Variants in GSE1 observed in about 807,000 individuals in gnomAD.
GSE1 encodes Gse1 coiled-coil protein.
GSE1 carries 32 observed loss-of-function variants against 112.6 expected under a neutral mutation model. The observed-to-expected ratio is 0.28, with a 90% CI of 0.21 to 0.38. GSE1 has a LOEUF of 0.38. GSE1 is among the 10% of genes least tolerant of loss of function. The probability of loss-of-function intolerance (pLI) is 1.00; values close to 1 mark genes in which losing one functional copy is unlikely to be tolerated. For synonymous variants in GSE1, 1,115 were observed against 735.6 expected, an observed-to-expected ratio of 1.52 and a Z score of -8.35; for missense variants, 2,348 against 1,699.2, an observed-to-expected ratio of 1.38 and a Z score of -6.71.
intron 1 of GSE1, among the ~76,000 whole-genome samples, chr16:85,312,217 G>GA (rs1567681015): frequency 4.0e-5 from 6 of 148,892 alleles, no homozygotes; most frequent in South Asian, 2.1e-4. Context: ...GGGGGGGGGG[G>GA]ACACACTTAC....
At position 85,636,581 on chromosome 16, in the gene GSE1, G is replaced by T. The variant is rs970467820; in HGVS notation, c.226+2449G>T. 3.3e-5 allele frequency among the ~76,000 whole-genome samples: 5 copies of T among 152,292 alleles called. No individual in the cohort carries two copies. In the East Asian group the frequency reaches 7.7e-4, roughly 24 times the overall value. Reference sequence around the variant, plus strand: ...CATGGAACTGGCCGGCAGCCCTCCCGGGACCCTCGGGCAGCTGAGAAGGCC... The same window carrying T: ...CATGGAACTGGCCGGCAGCCCTCCCTGGACCCTCGGGCAGCTGAGAAGGCC... On this transcript the variant is annotated intron_variant, in intron 2 of 15. Transcript: ENST00000253458.
intron 1 of GSE1, among the ~76,000 whole-genome samples, chr16:85,326,731 A>T (rs144664990): frequency 6.6e-6 from 1 of 152,288 alleles, no homozygotes; most frequent in Non-Finnish European, 1.5e-5. Context: ...ACAGACTAAT[A>T]TGGCCTGGTG....
intron 1 of GSE1, chr16:85,593,432 C>T (rs2047080932): frequency 6.6e-6 from 1 of 152,474 alleles, no homozygotes; most frequent in African/African-American, 2.4e-5. Flanking sequence ...ATTTCCCTCT[C>T]CCAGGGGCCT....
intron 1 of GSE1, among the ~76,000 whole-genome samples, chr16:85,307,549 C>T (rs1461082175): frequency 2.0e-5 from 3 of 152,236 alleles, no homozygotes; most frequent in African/African-American, 7.2e-5. Context: ...GAGCTTCGAG[C>T]TGTCCCTCTC....
chr16:85,326,829 G>C (rs147460011), intron 1 of GSE1, among the ~76,000 whole-genome samples: 1 of 152,324 alleles, frequency 6.6e-6, no homozygotes, highest in African/African-American at 2.4e-5. Context: ...GACGCTGTGG[G>C]GTCCCGATCA....
chr16:85,417,918 C>T (rs2151730760), intron 2 of GSE1, among the ~76,000 whole-genome samples: 1 of 152,362 alleles, frequency 6.6e-6, no homozygotes, highest in South Asian at 2.1e-4. Flanking sequence ...CGGCTCACTG[C>T]AACCTCCGCC....
At chr16:85,606,540 C>G (rs2047710908), upstream of GSE1, among the ~76,000 whole-genome samples, 2 of 152,316 alleles carry the variant, frequency 1.3e-5, no homozygotes, top group Admixed American at 6.5e-5. Context: ...AGGAAGGGGC[C>G]ACTTTGCCAC....
chr16:85,664,834 A>G, intron 11 of GSE1, 181 bp from the exon 12 acceptor site: 1 of 592,750 alleles, frequency 1.7e-6, no homozygotes, highest in South Asian at 2.0e-5. Context: ...TGCCGAGAGC[A>G]ATCTGGGCTC....
At chr16:85,616,502 T>TG (rs763149814) in intron 1 of GSE1, among the ~76,000 whole-genome samples, 1 of 152,196 alleles carries the variant, frequency 6.6e-6, no homozygotes, top group East Asian at 1.9e-4. Flanking sequence ...CAGGGTTGGA[T>TG]GGGGACCCTC....
upstream of GSE1, among the ~76,000 whole-genome samples, chr16:85,611,685 C>T (rs1388325042): frequency 1.3e-5 from 2 of 152,076 alleles, no homozygotes; most frequent in East Asian, 1.9e-4. Flanking sequence ...GAGCGGGGAG[C>T]GTGGGGCCTG....
chr16:85,287,293 C>T (rs990418326), intron 1 of GSE1, among the ~76,000 whole-genome samples: 2 of 152,204 alleles, frequency 1.3e-5, no homozygotes, highest in Non-Finnish European at 2.9e-5. Flanking sequence ...ACGCATGGGG[C>T]CGGAGCAAGC....
chr16:85,301,594 G>A (rs1276106409), intron 1 of GSE1, among the ~76,000 whole-genome samples: 1 of 152,242 alleles, frequency 6.6e-6, no homozygotes, highest in Non-Finnish European at 1.5e-5. Context: ...TTCTCTCCCT[G>A]CAGGGTTGAT....
At chr16:85,317,097 A>G (rs560847430) in intron 1 of GSE1, among the ~76,000 whole-genome samples, 14 of 152,286 alleles carry the variant, frequency 9.2e-5, no homozygotes, top group Admixed American at 2.0e-4. Context: ...CTATTTAACC[A>G]TGAGCGTTTA....
chr16:85,263,282 C>T (rs990339048), intron 1 of GSE1, among the ~76,000 whole-genome samples: 2 of 151,762 alleles, frequency 1.3e-5, no homozygotes, highest in African/African-American at 2.4e-5. Context: ...GTTAGAAATA[C>T]ACAGCCTATT....
chr16:85,609,773 C>G (rs953781652), upstream of GSE1, among the ~76,000 whole-genome samples: 5 of 151,980 alleles, frequency 3.3e-5, no homozygotes, highest in African/African-American at 9.7e-5. Context: ...TCCTACCTCA[C>G]TTTCCCAAGT....
At chr16:85,542,645 G>A (rs1359438522) in intron 2 of GSE1, among the ~76,000 whole-genome samples, 1 of 152,224 alleles carries the variant, frequency 6.6e-6, no homozygotes, top group Non-Finnish European at 1.5e-5. Context: ...AGAGTGCTCT[G>A]GCCTTGGTGC....
chr16:85,641,653 T>C (rs1347824432), intron 2 of GSE1, among the ~76,000 whole-genome samples: 1 of 152,270 alleles, frequency 6.6e-6, no homozygotes, highest in Admixed American at 6.5e-5. Flanking sequence ...CAGCCTGTTC[T>C]TGTCACTTGT....
At chr16:85,412,894 G>A (rs534219669) in intron 2 of GSE1, among the ~76,000 whole-genome samples, 1 of 152,336 alleles carries the variant, frequency 6.6e-6, no homozygotes, top group East Asian at 1.9e-4. Flanking sequence ...ATCTTTTCAG[G>A]GGGCCGTGAT....
At chr16:85,289,952 C>T (rs1288974786) in intron 1 of GSE1, among the ~76,000 whole-genome samples, 1 of 152,104 alleles carries the variant, frequency 6.6e-6, no homozygotes, top group African/African-American at 2.4e-5. Context: ...GGCTGGAGCC[C>T]AGGAATTTGC....
Sources: gnomAD v4.1 joint callset for allele counts (sites outside exome capture counted in the v4.1 genomes callset) on GRCh38, gnomAD v4.1.1 for gene constraint, MANE v1.5 for transcripts, NCBI Gene and HGNC (gene_info 2026-07-23, HGNC 2026-07-21) for gene names.